Variants in LOXHD1 observed in about 807,000 individuals in gnomAD.
LOXHD1 encodes the protein lipoxygenase homology PLAT domains 1, also known as lipoxygenase homology domain-containing protein 1.
LOXHD1 carries 205 observed loss-of-function variants against 248.2 expected under a neutral mutation model. The ratio of observed to expected loss-of-function variants is 0.83; its 90% CI spans 0.74 to 0.93. The LOEUF (loss-of-function observed/expected upper bound fraction) is 0.93. Ranked by LOEUF, LOXHD1 falls within the 40% of genes least tolerant of loss-of-function variation. LOXHD1 has a pLI of 0.00. For synonymous variants in LOXHD1, 1,113 were observed against 1,162.8 expected, an observed-to-expected ratio of 0.96 and a Z score of 0.87; for missense variants, 2,930 against 2,971.6, an observed-to-expected ratio of 0.99 and a Z score of 0.33.
At chr18:46,650,644 T>C (rs896134032) in intron 1 of LOXHD1, among the ~76,000 whole-genome samples, 1 of 152,218 alleles carries the variant, frequency 6.6e-6, no homozygotes, top group Non-Finnish European at 1.5e-5. Context: ...ACATTCGTTA[T>C]TCAAACCTGT....
At chr18:46,490,920 C>G (rs543824046) in intron 37 of LOXHD1, among the ~76,000 whole-genome samples, 3 of 152,204 alleles carry the variant, frequency 2.0e-5, no homozygotes, top group Non-Finnish European at 4.4e-5. Flanking sequence ...GACCTTCTGC[C>G]TCAAGTGCGA....
chr18:46,522,589 C>G (rs1282566307), intron 31 of LOXHD1, among the ~76,000 whole-genome samples: 2 of 152,156 alleles, frequency 1.3e-5, no homozygotes, highest in East Asian at 3.9e-4. Context: ...ACCAATTATC[C>G]TACTTGAACC....
chr18:46,533,141 G>A (rs762535556), intron 28 of LOXHD1, 21 bp downstream of exon 28: 2 of 1,551,160 alleles, frequency 1.3e-6, no homozygotes, highest in South Asian at 2.4e-5. Flanking sequence ...ATGGTGATGA[G>A]GGTGGCCACA....
At chr18:46,634,034 T>G (rs560328348) in intron 4 of LOXHD1, among the ~76,000 whole-genome samples, 2 of 152,364 alleles carry the variant, frequency 1.3e-5, no homozygotes, top group African/African-American at 4.8e-5. Context: ...GAAAACAGTA[T>G]GGTGGTTACT....
chr18:46,560,048 T>TGCCAACCCC, intron 19 of LOXHD1, 35 bp downstream of exon 19: 3 of 1,226,294 alleles, frequency 2.4e-6, no homozygotes, highest in Non-Finnish European at 3.4e-6. Flanking sequence ...GTCTGGCCAC[T>TGCCAACCCC]CCCTCCCCAC....
At chr18:46,520,164 G>C (rs778701240) in intron 33 of LOXHD1, 9 of 457,066 alleles carry the variant, frequency 2.0e-5, no homozygotes, top group Non-Finnish European at 3.1e-5. Flanking sequence ...GCTGCTCTCT[G>C]AGTCTCTAGC....
In LOXHD1 at chr18:46,559,596, G is replaced by T. The variant is rs376461436; in HGVS notation, c.3068C>A (p.Thr1023Asn). Residue 1023 changes from threonine to asparagine, a missense_variant, in exon 20 of 41, where the codon ACC becomes AAC. Transcript: ENST00000642948. ...CCCCGTGACCACCTGAACCTCATAGGTGTTTCCTGTAGACACAGAAAGATG... is the reference window on the plus strand; with the variant it reads ...CCCCGTGACCACCTGAACCTCATAGTTGTTTCCTGTAGACACAGAAAGATG... ...PAGKPGPERN[T>N]YEVQVVTGNV... is the part of the protein sequence containing the mutation. The T allele has an allele frequency of 1.9e-6, 3 of 1,551,776 alleles. No individual in the cohort carries two copies. Among genetic ancestry groups the T allele is most frequent in the Non-Finnish European group, 2.6e-6 (3 of 1,146,974 alleles).
intron 27 of LOXHD1, 117 bp from the exon 28 acceptor site, chr18:46,533,441 A>C: frequency 9.0e-7 from 1 of 1,113,350 alleles, no homozygotes; most frequent in Non-Finnish European, 1.3e-6. Flanking sequence ...CCCCATAAAT[A>C]ATGTAAAAGC....
intron 8 of LOXHD1, among the ~76,000 whole-genome samples, chr18:46,597,998 A>G (rs1599038655): frequency 6.7e-6 from 1 of 149,940 alleles, no homozygotes; most frequent in South Asian, 2.1e-4. Flanking sequence ...CGATCTCCTG[A>G]CCTCGTGATC....
intron 4 of LOXHD1, among the ~76,000 whole-genome samples, chr18:46,625,495 T>TAA (rs10692200): frequency 0.11 from 15,097 of 141,418 alleles, 805 homozygotes; most frequent in East Asian, 0.2. Flanking sequence ...GCTGATGAGC[T>TAA]AAAAAAAAAA....
chr18:46,639,534 G>A (rs2038935815), intron 4 of LOXHD1, 82 bp downstream of exon 4: 1 of 1,474,466 alleles, frequency 6.8e-7, no homozygotes, highest in Non-Finnish European at 9.1e-7. Flanking sequence ...AGACTGCCCA[G>A]AGCAAGACAG....
At position 46,577,933 on chromosome 18, in the gene LOXHD1, G is replaced by A. The variant is rs181817089; in HGVS notation, c.1810-66C>T. 4.5e-3 allele frequency: 6,850 copies of A among 1,515,272 alleles called. 17 individuals carry two copies. Among genetic ancestry groups the A allele is most frequent in the Non-Finnish European group, 5.2e-3 (5,763 of 1,116,326 alleles). The allele number at this position is 1,515,272 out of a possible 1,614,324, so 93.9% of individuals were successfully genotyped here. On this transcript the variant is annotated intron_variant, in intron 13 of 40. Coordinates refer to ENST00000642948, the MANE Select transcript of LOXHD1 (RefSeq NM_001384474.1). ...CCCCAGGACCCAAACACCAAGGGAA[G>A]ACATAAGCTCAGATATCAGAAAATC...
intron 25 of LOXHD1, among the ~76,000 whole-genome samples, chr18:46,540,718 G>A (rs2036525265): frequency 1.6e-5 from 2 of 126,410 alleles, no homozygotes; most frequent in Admixed American, 1.0e-4. Context: ...AAATGGATAC[G>A]TTTGTCCTCA....
chr18:46,544,679 G>C (rs190307206), intron 23 of LOXHD1: 7 of 374,938 alleles, frequency 1.9e-5, no homozygotes, highest in African/African-American at 1.5e-4. Flanking sequence ...CTTGCCCAAT[G>C]TCACACAGCT....
chr18:46,491,573 T>C (rs947535248), intron 37 of LOXHD1, among the ~76,000 whole-genome samples: 1 of 152,214 alleles, frequency 6.6e-6, no homozygotes, highest in Admixed American at 6.5e-5. Flanking sequence ...TGTGATTGCA[T>C]GCGTGAGTGT....
At chr18:46,649,352 T>C in intron 1 of LOXHD1, 83 bp from the exon 2 acceptor site, 1 of 1,212,234 alleles carries the variant, frequency 8.2e-7, no homozygotes. Context: ...CAGCCCTTGC[T>C]GGGGAGGCCC....
chr18:46,656,905 T>G lies in LOXHD1; in HGVS notation c.129A>C (p.Arg43Ser). The G allele has an allele frequency of 6.4e-7, 1 of 1,551,374 alleles. No homozygotes were observed. Among genetic ancestry groups the G allele is most frequent in the East Asian group, 2.4e-5 (1 of 40,888 alleles). Residue 43 changes from arginine (R) to serine (S), a missense_variant and splice_region_variant, in exon 1 of 41, where the codon AGA (arginine) becomes AGC (serine). Arg to Ser is a moderately radical substitution (Grantham distance 110). Transcript: ENST00000642948. Reference protein sequence around the residue: ...GELEHEYYKARVYEVVTATGD... With the variant: ...GELEHEYYKASVYEVVTATGD... The stretch of plus-strand genomic sequence containing the variant: ...CCCCCGCAGGCTGGGACCCCGCACC[T>G]CTGGCCTTGTAGTACTCGTGTTCCA...
chr18:46,518,295 A>C (rs1598899222), intron 33 of LOXHD1, 39 bp from the exon 34 acceptor site: 2 of 1,543,482 alleles, frequency 1.3e-6, no homozygotes, highest in Non-Finnish European at 8.8e-7. Context: ...TCTCAGCCTC[A>C]CCCTCCAACC....
At chr18:46,593,040 A>AATG (rs1213224670) in intron 10 of LOXHD1, among the ~76,000 whole-genome samples, 2 of 152,170 alleles carry the variant, frequency 1.3e-5, no homozygotes, top group African/African-American at 2.4e-5. Flanking sequence ...TATAAAGAGC[A>AATG]ATGAACTGAG....
Sources: allele counts gnomAD v4.1 joint callset (sites outside exome capture counted in the v4.1 genomes callset), GRCh38; gene constraint gnomAD v4.1.1; transcripts MANE v1.5; gene names NCBI Gene and HGNC (gene_info 2026-07-23, HGNC 2026-07-21).